Variants in RBFOX3 observed in about 807,000 individuals in gnomAD.
The protein encoded by RBFOX3 is RNA binding protein fox-1 homolog 3.
RBFOX3 carries 17 observed loss-of-function variants against 48.7 expected under a neutral mutation model. The observed-to-expected ratio is 0.35, with a 90% CI of 0.24 to 0.52. The LOEUF is 0.52. RBFOX3 is among the 20% of genes least tolerant of loss of function. The pLI is 0.94. For synonymous variants in RBFOX3, 212 were observed against 209.5 expected (o/e 1.01, Z -0.10); for missense variants, 382 against 497.5 (o/e 0.77, Z 2.21).
the RBFOX3 span, among the ~76,000 whole-genome samples, chr17:79,643,305 A>G: frequency 6.6e-6 from 1 of 152,246 alleles, no homozygotes; most frequent in East Asian, 1.9e-4. Context: ...AGAACTTCAC[A>G]ATACATAAGG....
intron 2 of RBFOX3, among the ~76,000 whole-genome samples, chr17:79,478,636 C>A (rs954032478): frequency 6.6e-6 from 1 of 152,168 alleles, no homozygotes; most frequent in Admixed American, 6.5e-5. Flanking sequence ...TTCAGGTTAT[C>A]CCATGAGAGT....
intron 1 of RBFOX3, among the ~76,000 whole-genome samples, chr17:79,557,614 C>A (rs940569459): frequency 6.6e-6 from 1 of 152,188 alleles, no homozygotes; most frequent in Non-Finnish European, 1.5e-5. Flanking sequence ...ACCAAATTAG[C>A]GGCTGTTGGT....
At chr17:79,307,273 G>A (rs746748801) in intron 3 of RBFOX3, among the ~76,000 whole-genome samples, 1 of 152,254 alleles carries the variant, frequency 6.6e-6, no homozygotes, top group African/African-American at 2.4e-5. Flanking sequence ...AGATCTTGCG[G>A]TCACACGGTC....
intron 4 of RBFOX3, among the ~76,000 whole-genome samples, chr17:79,123,518 T>A (rs1244055799): frequency 1.3e-5 from 2 of 151,880 alleles, no homozygotes; most frequent in East Asian, 3.9e-4. Context: ...TCCCTCCTGC[T>A]GCTGAATCTC....
intron 4 of RBFOX3, among the ~76,000 whole-genome samples, chr17:79,173,659 C>A (rs1024422863): frequency 2.6e-5 from 4 of 152,188 alleles, no homozygotes; most frequent in Admixed American, 2.6e-4. Flanking sequence ...GGCTCTGACC[C>A]CATCCCGTCC....
intron 4 of RBFOX3, among the ~76,000 whole-genome samples, chr17:79,217,943 G>A (rs899783123): frequency 3.9e-5 from 6 of 152,060 alleles, no homozygotes; most frequent in South Asian, 4.2e-4. Context: ...AGAAGTTAGC[G>A]CTCTGTGTTA....
chr17:79,096,692 C>A lies in RBFOX3; in HGVS notation c.897G>T (p.Arg299Ser). Residue 299 changes from arginine (R) to serine (S), a missense_variant, in exon 12 of 15, where the codon AGG becomes AGT. By Grantham distance (110) the Arg-to-Ser change is moderately radical (BLOSUM62 -1). Transcript: ENST00000693108. ...CATAAAATCCATCCTGATACACGAC[C>A]CTGGAAGCAAACGGACAAGAAAGTG... is the stretch of plus-strand genomic sequence containing the variant. Reference protein sequence around the residue: ...FPPLSCPFASRVVYQDGFYGA... With the variant: ...FPPLSCPFASSVVYQDGFYGA... 6.4e-7 allele frequency: 1 copy of A among 1,551,278 alleles called. No individual in the cohort carries two copies. The highest frequency in any genetic ancestry group is 8.7e-7 in the Non-Finnish European group (1 of 1,146,780).
chr17:79,397,504 A>T (rs1369549663), intron 2 of RBFOX3, among the ~76,000 whole-genome samples: 1 of 151,284 alleles, frequency 6.6e-6, no homozygotes, highest in African/African-American at 2.4e-5. Context: ...AAAAAAAAAA[A>T]AAAAGTGCGA....
chr17:79,165,920 C>T (rs550092569), intron 4 of RBFOX3, among the ~76,000 whole-genome samples: 5 of 152,332 alleles, frequency 3.3e-5, no homozygotes, highest in Admixed American at 2.0e-4. Context: ...CGGTGACACG[C>T]GGCGGGGTTG....
chr17:79,410,953 C>T (rs183010400), intron 2 of RBFOX3, among the ~76,000 whole-genome samples: 6 of 152,354 alleles, frequency 3.9e-5, no homozygotes, highest in African/African-American at 1.4e-4. Flanking sequence ...CTCCCACTCT[C>T]TGCACCACAC....
chr17:79,497,325 A>G (rs2081680439), intron 1 of RBFOX3, among the ~76,000 whole-genome samples: 1 of 152,232 alleles, frequency 6.6e-6, no homozygotes, highest in East Asian at 1.9e-4. Flanking sequence ...TAAAAAAGTT[A>G]ACTCCTGGAC....
chr17:79,148,020 G>A (rs989419332), intron 4 of RBFOX3, among the ~76,000 whole-genome samples: 1 of 152,252 alleles, frequency 6.6e-6, no homozygotes, highest in East Asian at 1.9e-4. Context: ...GGGGCCCCGG[G>A]GGGAGGGCGG....
chr17:79,094,722 G>T (rs1443065790), intron 13 of RBFOX3, among the ~76,000 whole-genome samples, 193 bp from the exon 14 acceptor site: 1 of 147,336 alleles, frequency 6.8e-6, no homozygotes, highest in African/African-American at 2.5e-5. Flanking sequence ...GAAGCTTCTG[G>T]AACACAACAG....
chr17:79,659,717 C>T, the RBFOX3 span, among the ~76,000 whole-genome samples: 1 of 152,084 alleles, frequency 6.6e-6, no homozygotes, highest in East Asian at 1.9e-4. Flanking sequence ...TACATATGCT[C>T]AAAAGTACAC....
chr17:79,331,728 G>GC (rs2080335362), intron 2 of RBFOX3, among the ~76,000 whole-genome samples: 2 of 152,186 alleles, frequency 1.3e-5, no homozygotes, highest in Admixed American at 6.5e-5. Flanking sequence ...AACTAAAAGC[G>GC]TGCTGTGGCC....
Position 79,392,899 on chromosome 17 carries a change from C to T in RBFOX3, c.-174-85075G>A, listed in dbSNP as rs2061522840. ...GGAGAAAGGATTCCTTCTCATTTAT[C>T]CTGACATGTACTTACTAAATAGGAA... On this transcript the variant is annotated intron_variant, in intron 2 of 14. Transcript: ENST00000693108. The surrounding 1 kb of genome is among the most constrained non-coding windows in gnomAD (Gnocchi z 5.0). Among the ~76,000 whole-genome samples the T allele has an allele frequency of 6.6e-6, 1 of 152,186 alleles. No homozygotes were observed. Among genetic ancestry groups the T allele is most frequent in the African/African-American group, 2.4e-5 (1 of 41,448 alleles).
At chr17:79,620,084 AGCACATGC>A in the RBFOX3 span, among the ~76,000 whole-genome samples, 1 of 125,276 alleles carries the variant, frequency 8.0e-6, no homozygotes, top group African/African-American at 3.3e-5. Flanking sequence ...CATGCACACA[AGCACATGC>A]ACACATGTGT....
intron 3 of RBFOX3, among the ~76,000 whole-genome samples, chr17:79,305,536 G>T (rs970660720): frequency 2.0e-5 from 3 of 152,120 alleles, no homozygotes; most frequent in African/African-American, 7.2e-5. Context: ...TGGACAGACC[G>T]ACATGAAATG....
At chr17:79,162,714 G>A (rs866803339) in intron 4 of RBFOX3, among the ~76,000 whole-genome samples, 4 of 152,296 alleles carry the variant, frequency 2.6e-5, no homozygotes, top group Middle Eastern at 6.8e-3. Context: ...GAACTGAGCT[G>A]TGCTAACAAA....
Sources: gnomAD v4.1 joint callset for allele counts (sites outside exome capture counted in the v4.1 genomes callset) on GRCh38, gnomAD v4.1.1 for gene constraint, Gnocchi (gnomAD v3.1) non-coding constraint, MANE v1.5 for transcripts, NCBI Gene and HGNC (gene_info 2026-07-23, HGNC 2026-07-21) for gene names.